The following MDGA2 variants were observed in gnomAD, a reference collection of about 807,000 sequenced individuals.
MDGA2 encodes MAM domain-containing glycosylphosphatidylinositol anchor protein 2.
MDGA2 carries 40 observed loss-of-function variants against 117.8 expected under a neutral mutation model. The observed-to-expected ratio is 0.34, with a 90% confidence interval of 0.26 to 0.44. MDGA2 has a LOEUF of 0.44. Among genes scored for constraint, MDGA2 ranks in the 20% least tolerant of loss-of-function variants. MDGA2 has a pLI of 1.00. For missense variants in MDGA2, 1,123 were observed against 1,250.6 expected, an observed-to-expected ratio of 0.90 and a Z score of 1.54; for synonymous variants, 452 against 439.0, an observed-to-expected ratio of 1.03 and a Z score of -0.37.
intron 1 of MDGA2, among the ~76,000 whole-genome samples, chr14:47,379,217 C>T (rs552504151): frequency 9.2e-5 from 14 of 152,154 alleles, no homozygotes; most frequent in African/African-American, 3.4e-4. Context: ...GAAGGAAGCG[C>T]TAAACATGGA....
In MDGA2 at chr14:47,034,164, G is replaced by C. The variant is rs556621538; in HGVS notation, c.1819+847C>G. On this transcript the variant is annotated intron_variant, in intron 8 of 16. Transcript: ENST00000399232. The stretch of plus-strand genomic sequence containing the variant: ...TGTTTAGTTTTCTTCTTTTTCAGCA[G>C]TGTCTTTACCATTGGGCAGCCCAGT... Among the ~76,000 whole-genome samples the C allele has an allele frequency of 7.2e-5, 11 of 152,234 alleles. No homozygotes were observed. In the South Asian group the frequency reaches 2.3e-3, roughly 32 times the overall value.
At chr14:47,377,777 G>T (rs1044946638) in intron 1 of MDGA2, among the ~76,000 whole-genome samples, 2 of 152,160 alleles carry the variant, frequency 1.3e-5, no homozygotes, top group Non-Finnish European at 2.9e-5. Context: ...GTAGACTCTA[G>T]ATCTGGGGGC....
chr14:47,474,883 G>A (rs752648780), intron 1 of MDGA2, among the ~76,000 whole-genome samples: 1 of 152,114 alleles, frequency 6.6e-6, no homozygotes, highest in Admixed American at 6.5e-5. Flanking sequence ...AGAAACTCTA[G>A]AAGAAAATCT....
chr14:47,107,982 C>A (rs1446075881), intron 5 of MDGA2, among the ~76,000 whole-genome samples: 1 of 147,870 alleles, frequency 6.8e-6, no homozygotes, highest in South Asian at 2.1e-4. Context: ...AGTCTGATAA[C>A]AGACCAGCCT....
intron 8 of MDGA2, among the ~76,000 whole-genome samples, chr14:47,011,200 G>A (rs2138534179): frequency 6.6e-6 from 1 of 151,922 alleles, no homozygotes; most frequent in East Asian, 1.9e-4. Flanking sequence ...TGTGGAATTA[G>A]AGCTCGGAGA....
In MDGA2 at chr14:47,242,464, G is replaced by C. The variant is rs1038070023; in HGVS notation, c.421-24269C>G. Among the ~76,000 whole-genome samples, 3 of 151,832 alleles carry C rather than the reference G, an allele frequency of 2.0e-5. 1 individual carries two copies. Among genetic ancestry groups the C allele is most frequent in the Non-Finnish European group, 2.9e-5 (2 of 67,820 alleles). ...GGAGGGAGAGGCACGAGCGGGAACC[G>C]GGGCTGCGTGTGGCGCTTGCGGGGC... On this transcript the variant is annotated intron_variant, in intron 2 of 16. Transcript: ENST00000399232.
intron 6 of MDGA2, among the ~76,000 whole-genome samples, chr14:47,081,675 T>C (rs879863863): frequency 5.9e-5 from 9 of 152,298 alleles, no homozygotes; most frequent in Admixed American, 5.9e-4. Context: ...AACTGGTAAG[T>C]ATGAATGGTT....
chr14:46,858,428 CTTT>C (rs71112466), intron 14 of MDGA2, among the ~76,000 whole-genome samples: 23 of 123,796 alleles, frequency 1.9e-4, no homozygotes, highest in African/African-American at 2.9e-4. Context: ...TTCTTTTTTT[CTTT>C]TTTTTTTTTT....
chr14:47,011,205 C>T (rs2138534204), intron 8 of MDGA2, among the ~76,000 whole-genome samples: 1 of 151,744 alleles, frequency 6.6e-6, no homozygotes, highest in South Asian at 2.1e-4. Context: ...AATTAGAGCT[C>T]GGAGAAAAAA....
At chr14:46,856,095 A>G (rs1025680097) in intron 14 of MDGA2, among the ~76,000 whole-genome samples, 1 of 152,074 alleles carries the variant, frequency 6.6e-6, no homozygotes, top group African/African-American at 2.4e-5. Context: ...ACTTATTATT[A>G]TTATCCCCAC....
intron 9 of MDGA2, among the ~76,000 whole-genome samples, chr14:46,945,008 T>C (rs1360532518): frequency 6.6e-6 from 1 of 152,098 alleles, no homozygotes; most frequent in Admixed American, 6.6e-5. Flanking sequence ...CTATTTTCTT[T>C]TCATGTCAGG....
intron 8 of MDGA2, among the ~76,000 whole-genome samples, chr14:46,995,419 C>A (rs1353781677): frequency 6.6e-6 from 1 of 152,102 alleles, no homozygotes; most frequent in Admixed American, 6.6e-5. Context: ...CTGGACCTAG[C>A]ACACTGCTTT....
chr14:47,277,402 T>A (rs1203869981), intron 2 of MDGA2, among the ~76,000 whole-genome samples: 1 of 152,250 alleles, frequency 6.6e-6, no homozygotes, highest in African/African-American at 2.4e-5. Context: ...AGACCATTTT[T>A]ATCACCTTGA....
chr14:47,301,285 CCACACCCACCCACACACACACACACA>C, intron 2 of MDGA2, 100 bp downstream of exon 2: 1 of 889,486 alleles, frequency 1.1e-6, no homozygotes, highest in Non-Finnish European at 1.6e-6. Flanking sequence ...ACACACACAC[CCACACCCACCCACACACACACACACA>C]CACACACACA....
intron 3 of MDGA2, among the ~76,000 whole-genome samples, chr14:47,173,257 T>C (rs1325486300): frequency 2.6e-5 from 4 of 152,194 alleles, no homozygotes; most frequent in Middle Eastern, 3.4e-3. Flanking sequence ...TTCCCCAATC[T>C]AGCAAGGCAG....
intron 2 of MDGA2, among the ~76,000 whole-genome samples, chr14:47,226,888 G>A (rs1291307745): frequency 3.9e-5 from 6 of 152,086 alleles, no homozygotes; most frequent in Non-Finnish European, 8.8e-5. Context: ...GAGACTATGT[G>A]CTATTATATA....
At chr14:47,265,923 A>T (rs1343915074) in intron 2 of MDGA2, among the ~76,000 whole-genome samples, 9 of 152,150 alleles carry the variant, frequency 5.9e-5, no homozygotes, top group Admixed American at 5.9e-4. Context: ...GATATACAGA[A>T]ATCATAATCT....
At chr14:47,087,916 T>C (rs1890966868) in intron 6 of MDGA2, among the ~76,000 whole-genome samples, 1 of 152,016 alleles carries the variant, frequency 6.6e-6, no homozygotes, top group Non-Finnish European at 1.5e-5. Flanking sequence ...TGCCGACTTT[T>C]AGAGCACTAC....
At chr14:47,312,920 A>G (rs115598034) in intron 1 of MDGA2, among the ~76,000 whole-genome samples, 5,994 of 107,884 alleles carry the variant, frequency 0.056, 134 homozygotes, top group African/African-American at 0.07. Flanking sequence ...ATTTAATTAT[A>G]TATATACATA....
Sources: gnomAD v4.1 joint callset for allele counts (sites outside exome capture counted in the v4.1 genomes callset) on GRCh38, gnomAD v4.1.1 for gene constraint, MANE v1.5 for transcripts, NCBI Gene and HGNC (gene_info 2026-07-23, HGNC 2026-07-21) for gene names.